Variants in ADAMTS12 observed in about 807,000 individuals in gnomAD.
ADAMTS12 encodes the protein ADAM metallopeptidase with thrombospondin type 1 motif 12, also known as A disintegrin and metalloproteinase with thrombospondin motifs 12.
Under a neutral mutation model 167.8 loss-of-function variants are expected in ADAMTS12, and 118 were observed. That is an observed-to-expected ratio of 0.70 (90% CI 0.61 to 0.82). The LOEUF is 0.82. Ranked by LOEUF, ADAMTS12 falls within the 40% of genes least tolerant of loss-of-function variation. ADAMTS12 has a pLI of 0.00. For missense variants in ADAMTS12, 1,916 were observed against 1,998.8 expected, an observed-to-expected ratio of 0.96 and a Z score of 0.79; for synonymous variants, 704 against 716.9, an observed-to-expected ratio of 0.98 and a Z score of 0.29.
intron 3 of ADAMTS12, among the ~76,000 whole-genome samples, chr5:33,700,622 G>A (rs974518237): frequency 6.6e-6 from 1 of 152,096 alleles, no homozygotes; most frequent in African/African-American, 2.4e-5. Flanking sequence ...GACTGTCAGT[G>A]GATGCACAAA....
chr5:33,619,489 G>A (rs888179221), intron 14 of ADAMTS12, among the ~76,000 whole-genome samples: 1 of 151,978 alleles, frequency 6.6e-6, no homozygotes, highest in Non-Finnish European at 1.5e-5. Flanking sequence ...ATGGCAGCTG[G>A]AGACTCATCT....
chr5:33,604,777 T>G (rs1221208509), intron 16 of ADAMTS12, among the ~76,000 whole-genome samples: 1 of 151,848 alleles, frequency 6.6e-6, no homozygotes, highest in Non-Finnish European at 1.5e-5. Context: ...GCAAAAGTAT[T>G]AGAAAGGGTG....
rs573581738 is a variant in ADAMTS12, at chr5:33,696,378, G to A, written c.635-12323C>T. Among the ~76,000 whole-genome samples the A allele has an allele frequency of 8.4e-3, 1,198 of 142,580 alleles. 16 individuals are homozygous for A. Among genetic ancestry groups the A allele is most frequent in the African/African-American group, 0.03 (1,149 of 37,678 alleles). The allele number at this position is 142,580 out of a possible 152,430, so 93.5% of individuals were successfully genotyped here. On this transcript the variant is annotated intron_variant, in intron 3 of 23. Transcript: ENST00000504830. ...AGAGCTTGCAGTGAGCCGAGATCGC[G>A]CCACTGCACTCCAGCCTGGGCGACA...
intron 2 of ADAMTS12, among the ~76,000 whole-genome samples, chr5:33,763,453 C>T (rs1561258675): frequency 6.6e-6 from 1 of 152,260 alleles, no homozygotes; most frequent in East Asian, 1.9e-4. Flanking sequence ...AGGAAGGTAG[C>T]CATGGCAACA....
At chr5:33,884,456 T>C (rs576802484) in intron 1 of ADAMTS12, among the ~76,000 whole-genome samples, 71 of 152,300 alleles carry the variant, frequency 4.7e-4, no homozygotes, top group African/African-American at 1.7e-3. Flanking sequence ...CCAGGCAGTC[T>C]TTTGCCTATC....
chr5:33,880,962 A>G, intron 2 of ADAMTS12, 157 bp downstream of exon 2: 2 of 1,073,298 alleles, frequency 1.9e-6, no homozygotes, highest in South Asian at 3.4e-5. Context: ...TATTTATTAA[A>G]TACTTTCTCG....
intron 18 of ADAMTS12, among the ~76,000 whole-genome samples, chr5:33,580,911 C>A (rs550232009): frequency 6.6e-6 from 1 of 152,162 alleles, no homozygotes; most frequent in Non-Finnish European, 1.5e-5. Context: ...CCTCAGTGCA[C>A]CAACCTTCCA....
chr5:33,884,487 C>T (rs1229560605), intron 1 of ADAMTS12, among the ~76,000 whole-genome samples: 1 of 152,194 alleles, frequency 6.6e-6, no homozygotes, highest in East Asian at 1.9e-4. Flanking sequence ...GGCTAAAATG[C>T]TAGTGCCCAT....
intron 19 of ADAMTS12, among the ~76,000 whole-genome samples, chr5:33,575,776 A>G (rs1010545303): frequency 2.0e-5 from 3 of 152,204 alleles, no homozygotes; most frequent in Non-Finnish European, 4.4e-5. Flanking sequence ...AGAATTGTAC[A>G]CGGCAGGAAC....
chr5:33,739,310 A>C (rs1358403310), intron 3 of ADAMTS12, among the ~76,000 whole-genome samples: 1 of 151,446 alleles, frequency 6.6e-6, no homozygotes, highest in African/African-American at 2.4e-5. Context: ...TTCTCCATAC[A>C]CACACACACA....
chr5:33,887,068 C>T (rs79774823), intron 1 of ADAMTS12, among the ~76,000 whole-genome samples: 1,813 of 152,126 alleles, frequency 0.012, 36 homozygotes, highest in African/African-American at 0.042. Flanking sequence ...GCCTCCTCTC[C>T]GCAAGCTAAG....
chr5:33,836,218 G>A (rs1265859058), intron 2 of ADAMTS12, among the ~76,000 whole-genome samples: 1 of 152,090 alleles, frequency 6.6e-6, no homozygotes, highest in Non-Finnish European at 1.5e-5. Flanking sequence ...AGGGATGCAG[G>A]ATGTTCACCA....
intron 2 of ADAMTS12, among the ~76,000 whole-genome samples, chr5:33,787,491 G>A (rs1746371519): frequency 6.6e-6 from 1 of 152,212 alleles, no homozygotes; most frequent in African/African-American, 2.4e-5. Flanking sequence ...TTCATCACGA[G>A]AACATGTTTC....
At position 33,576,765 on chromosome 5, in the gene ADAMTS12, A is replaced by G. The variant is rs575019906; in HGVS notation, c.3261T>C (p.Thr1087=). The G allele has an allele frequency of 8.1e-6, 13 of 1,614,206 alleles. No individual in the cohort carries two copies. Among genetic ancestry groups the G allele is most frequent in the Non-Finnish European group, 1.1e-5 (13 of 1,180,032 alleles). ...ATTGGGAAGTGAGGATGGGCTGGGAAGTGCTTCCAGTGGAAATGAGATAGC... is the reference window on the plus strand; with the variant it reads ...ATTGGGAAGTGAGGATGGGCTGGGAGGTGCTTCCAGTGGAAATGAGATAGC... The part of the protein sequence containing the change: ...SSRYLISTGS[T]SQPILTSQSL... Residue 1087 remains threonine (T), a synonymous_variant, in exon 19 of 24, where the codon ACT becomes ACC. Transcript: ENST00000504830.
At chr5:33,751,050 C>T (rs1007362030) in intron 3 of ADAMTS12, 6 of 340,620 alleles carry the variant, frequency 1.8e-5, no homozygotes, top group South Asian at 1.7e-4. Flanking sequence ...AAAATCATTA[C>T]GTCTTTATTT....
chr5:33,716,948 G>A (rs937553717), intron 3 of ADAMTS12, among the ~76,000 whole-genome samples: 1 of 152,124 alleles, frequency 6.6e-6, no homozygotes, highest in Non-Finnish European at 1.5e-5. Flanking sequence ...GAGGACAGCA[G>A]GAGGGGCATT....
At chr5:33,744,893 C>T (rs1362254674) in intron 3 of ADAMTS12, among the ~76,000 whole-genome samples, 2 of 152,194 alleles carry the variant, frequency 1.3e-5, no homozygotes, top group African/African-American at 4.8e-5. Flanking sequence ...TAGCTCACTG[C>T]AGCCTCAATC....
intron 3 of ADAMTS12, among the ~76,000 whole-genome samples, chr5:33,693,294 A>T (rs1742621654): frequency 6.6e-6 from 1 of 152,216 alleles, no homozygotes; most frequent in Non-Finnish European, 1.5e-5. Context: ...AGACCTTGAG[A>T]AACCATCTGC....
chr5:33,830,769 G>A (rs1748269077), intron 2 of ADAMTS12, among the ~76,000 whole-genome samples: 1 of 152,014 alleles, frequency 6.6e-6, no homozygotes, highest in Non-Finnish European at 1.5e-5. Context: ...TCCAGCCTAG[G>A]CAACACAGCA....
Sources: allele counts gnomAD v4.1 joint callset (sites outside exome capture counted in the v4.1 genomes callset), GRCh38; gene constraint gnomAD v4.1.1; transcripts MANE v1.5; gene names NCBI Gene and HGNC (gene_info 2026-07-23, HGNC 2026-07-21).